Variants in KAT2B observed in about 807,000 individuals in gnomAD.
KAT2B encodes the protein lysine acetyltransferase 2B.
Under a neutral mutation model 105.9 loss-of-function variants are expected in KAT2B, and 36 were observed. That is an observed-to-expected ratio of 0.34 (90% CI 0.26 to 0.45). The LOEUF (loss-of-function observed/expected upper bound fraction) is 0.45. Among genes scored for constraint, KAT2B ranks in the 20% least tolerant of loss-of-function variants. KAT2B has a pLI of 1.00. For synonymous variants in KAT2B, 397 were observed against 377.9 expected (o/e 1.05, Z -0.59); for missense variants, 820 against 1,021.6 (o/e 0.80, Z 2.69).
At chr3:20,136,053 A>G (rs1295877631) in intron 11 of KAT2B, among the ~76,000 whole-genome samples, 2 of 152,210 alleles carry the variant, frequency 1.3e-5, no homozygotes, top group African/African-American at 4.8e-5. Context: ...AGGGGGTTAG[A>G]TAGAATGACT....
intron 1 of KAT2B, among the ~76,000 whole-genome samples, chr3:20,061,916 G>GTATTATA (rs1559513798): frequency 1.5e-4 from 5 of 32,986 alleles, no homozygotes; most frequent in East Asian, 8.6e-4. Context: ...TATAAAATAT[G>GTATTATA]TATTATATAT....
In KAT2B at chr3:20,062,167, T is replaced by A. The variant is rs1311402680; in HGVS notation, c.304-10166T>A. Among the ~76,000 whole-genome samples the A allele has an allele frequency of 8.5e-4, 63 of 74,024 alleles. 5 individuals carry two copies. Among genetic ancestry groups the A allele is most frequent in the African/African-American group, 3.2e-3 (56 of 17,578 alleles). 48.6% of individuals were successfully genotyped at this position (74,024 alleles called of 152,430 possible). ...ATATATAAAAATATATAATATATAA[T>A]ATATATAATATATAATATATAAAAT... On this transcript the variant is annotated intron_variant, in intron 1 of 17. Coordinates refer to ENST00000263754, the MANE Select transcript of KAT2B (RefSeq NM_003884.5).
chr3:20,107,580 T>C (rs1318929492), intron 5 of KAT2B, among the ~76,000 whole-genome samples: 1 of 138,810 alleles, frequency 7.2e-6, no homozygotes, highest in Non-Finnish European at 1.5e-5. Flanking sequence ...GTTGCTTGAA[T>C]GGGGAGGTGG....
chr3:20,135,479 C>G (rs1010888720), intron 11 of KAT2B, among the ~76,000 whole-genome samples: 1 of 151,638 alleles, frequency 6.6e-6, no homozygotes, highest in Non-Finnish European at 1.5e-5. Context: ...ACAGTGAAAC[C>G]CCGTCTCTAC....
chr3:20,060,196 C>T (rs1698075795), intron 1 of KAT2B, among the ~76,000 whole-genome samples: 1 of 152,236 alleles, frequency 6.6e-6, no homozygotes, highest in African/African-American at 2.4e-5. Context: ...GAGGCATCTG[C>T]ATGCAAGTCT....
intron 1 of KAT2B, among the ~76,000 whole-genome samples, chr3:20,064,192 A>C (rs1043400858): frequency 6.6e-6 from 1 of 152,152 alleles, no homozygotes; most frequent in African/African-American, 2.4e-5. Context: ...GCTCCTTTTG[A>C]AAAAAGAACT....
intron 17 of KAT2B, among the ~76,000 whole-genome samples, chr3:20,151,013 A>T (rs1169771170): frequency 1.3e-5 from 2 of 152,148 alleles, no homozygotes; most frequent in East Asian, 3.9e-4. Context: ...GGCCAATTTC[A>T]TTGTTTTTTT....
intron 2 of KAT2B, among the ~76,000 whole-genome samples, chr3:20,080,168 A>G (rs947178867): frequency 3.3e-5 from 5 of 152,114 alleles, no homozygotes; most frequent in Admixed American, 6.5e-5. Context: ...TGAGCTTCTC[A>G]TTATCCTCAG....
chr3:20,150,655 G>A (rs1336988127), intron 17 of KAT2B, among the ~76,000 whole-genome samples: 3 of 152,128 alleles, frequency 2.0e-5, no homozygotes, highest in Admixed American at 6.5e-5. Flanking sequence ...AAAACTCTAC[G>A]AAGGCCAGAG....
chr3:20,151,710 T>C (rs1180607104), intron 17 of KAT2B, among the ~76,000 whole-genome samples: 3 of 152,214 alleles, frequency 2.0e-5, no homozygotes, highest in African/African-American at 7.2e-5. Flanking sequence ...AAATATTCTT[T>C]GCAATAGTCT....
intron 1 of KAT2B, among the ~76,000 whole-genome samples, chr3:20,043,822 A>T (rs1388825002): frequency 6.6e-6 from 1 of 152,184 alleles, no homozygotes; most frequent in Non-Finnish European, 1.5e-5. Context: ...TCTGCACTTA[A>T]TATGAGCAAG....
In KAT2B at chr3:20,040,800, G is replaced by T. The variant is rs199880019; in HGVS notation, c.303+20G>T. 6 of 1,578,260 alleles carry T rather than the reference G, an allele frequency of 3.8e-6. No individual in the cohort carries two copies. The highest frequency in any genetic ancestry group is 2.5e-5 in the East Asian group (1 of 40,792). ...TGCAAGGTACGCGCTCGCCGCTCTC[G>T]GACCGCGGATGGGTGCTAGGGGCCC... On this transcript the variant is annotated intron_variant, in intron 1 of 17. Coordinates refer to ENST00000263754, the MANE Select transcript of KAT2B (RefSeq NM_003884.5).
chr3:20,062,752 G>A (rs778172722), intron 1 of KAT2B, among the ~76,000 whole-genome samples: 1 of 151,736 alleles, frequency 6.6e-6, no homozygotes, highest in Non-Finnish European at 1.5e-5. Context: ...GTGAGTCACC[G>A]TGCCTGGCCC....
chr3:20,126,027 G>A lies in KAT2B; in HGVS notation c.1536G>A (p.Leu512=). The A allele has an allele frequency of 2.5e-6, 4 of 1,614,150 alleles. No individual in the cohort carries two copies. The highest frequency in any genetic ancestry group is 3.4e-6 in the Non-Finnish European group (4 of 1,180,028). ...ACCAGAAACCAAACAAGAAGATCCTGATGTGGCTGGTTGGCCTACAGAACG... is the reference window on the plus strand; with the variant it reads ...ACCAGAAACCAAACAAGAAGATCCTAATGTGGCTGGTTGGCCTACAGAACG... The part of the protein sequence containing the change: ...SLNQKPNKKI[L]MWLVGLQNVF... The change falls in exon 10 of 18, where the codon CTG becomes CTA. Residue 512 remains leucine, a synonymous_variant. Transcript: ENST00000263754.
intron 2 of KAT2B, among the ~76,000 whole-genome samples, chr3:20,085,955 T>C (rs1698606394): frequency 6.6e-6 from 1 of 152,188 alleles, no homozygotes; most frequent in African/African-American, 2.4e-5. Flanking sequence ...AAAGATTAAT[T>C]CCTCTCTTCT....
Position 20,040,491 on chromosome 3 carries a change from G to C in KAT2B, c.14G>C (p.Gly5Ala). 9.6e-7 allele frequency: 1 copy of C among 1,045,380 alleles called. No individual in the cohort carries two copies. The highest frequency in any genetic ancestry group is 7.6e-5 in the East Asian group (1 of 13,240). 64.8% of individuals were successfully genotyped at this position (1,045,380 alleles called of 1,614,324 possible). ...CTCCGGGGCGGCATGTCCGAGGCTG[G>C]CGGGGCCGGGCCGGGCGGCTGCGGG... Reference protein sequence around the residue: MSEAGGAGPGGCGAG... With the variant: MSEAAGAGPGGCGAG... The change falls in exon 1 of 18, where the codon GGC becomes GCC. Residue 5 changes from glycine (G) to alanine (A), a missense_variant. This residue lies in a region of KAT2B where 190 missense variants were observed against 176.7 expected (regional missense o/e 1.08). Transcript: ENST00000263754.
chr3:20,112,976 A>G (rs962020857), intron 6 of KAT2B, among the ~76,000 whole-genome samples: 2 of 152,346 alleles, frequency 1.3e-5, no homozygotes, highest in South Asian at 2.1e-4. Context: ...GATAGATGTC[A>G]TGGGTAATTC....
intron 2 of KAT2B, among the ~76,000 whole-genome samples, chr3:20,095,015 C>T (rs1466066669): frequency 1.3e-5 from 2 of 152,178 alleles, no homozygotes; most frequent in Non-Finnish European, 2.9e-5. Flanking sequence ...TATTTGCATA[C>T]ATTAGCCACC....
intron 2 of KAT2B, among the ~76,000 whole-genome samples, chr3:20,084,444 G>A (rs114225933): frequency 0.012 from 1,819 of 152,208 alleles, 37 homozygotes; most frequent in African/African-American, 0.042. Flanking sequence ...GTACAGGGGA[G>A]CCTCTTTCTT....
Sources: allele counts gnomAD v4.1 joint callset (sites outside exome capture counted in the v4.1 genomes callset), GRCh38; gene constraint gnomAD v4.1.1; regional missense constraint gnomAD v4.1.1; transcripts MANE v1.5; gene names NCBI Gene and HGNC (gene_info 2026-07-23, HGNC 2026-07-21).